KCNJ10: variants seen among roughly 807,000 people sequenced by gnomAD.
KCNJ10 encodes potassium inwardly rectifying channel subfamily J member 10.
Under a neutral mutation model 22.2 loss-of-function variants are expected in KCNJ10, and 9 were observed. The ratio of observed to expected loss-of-function variants is 0.40; its 90% confidence interval spans 0.24 to 0.71. The LOEUF is 0.71. KCNJ10 is among the 30% of genes least tolerant of loss of function. The pLI is 0.35. For synonymous variants in KCNJ10, 184 were observed against 187.3 expected, an observed-to-expected ratio of 0.98 and a Z score of 0.15; for missense variants, 337 against 482.7, an observed-to-expected ratio of 0.70 and a Z score of 2.83.
chr1:160,052,532 G>A (rs1455668768), intron 1 of KCNJ10, among the ~76,000 whole-genome samples: 2 of 152,208 alleles, frequency 1.3e-5, no homozygotes, highest in Admixed American at 6.5e-5. Flanking sequence ...CCTGAGATTA[G>A]GCTGGTCTCC....
chr1:160,039,629 A>T lies in KCNJ10; in HGVS notation c.*1764T>A, dbSNP rs2486253. The T allele has an allele frequency of 1.3e-5, 2 of 152,046 alleles. No individual in the cohort carries two copies. Among genetic ancestry groups the T allele is most frequent in the African/African-American group, 2.4e-5 (1 of 41,370 alleles). The allele number at this position is 152,046 out of a possible 1,614,324, so 9.4% of individuals were successfully genotyped here. ...CGAAGGGTCTTTGTTTTCAAGATATAGTTAGTTGAGTTCGAGGAGAGATCA... is the reference window on the plus strand; with the variant it reads ...CGAAGGGTCTTTGTTTTCAAGATATTGTTAGTTGAGTTCGAGGAGAGATCA... On this transcript the variant is annotated 3_prime_UTR_variant, in exon 2 of 2. Coordinates refer to ENST00000644903, the MANE Select transcript of KCNJ10 (RefSeq NM_002241.5).
intron 1 of KCNJ10, among the ~76,000 whole-genome samples, chr1:160,056,529 C>A (rs1021307184): frequency 6.6e-6 from 1 of 152,222 alleles, no homozygotes; most frequent in Non-Finnish European, 1.5e-5. Context: ...TTCAAATCCC[C>A]TTCCTCCTTC....
chr1:160,067,835 T>C (rs1649356006), intron 1 of KCNJ10: 1 of 152,294 alleles, frequency 6.6e-6, no homozygotes, highest in African/African-American at 2.4e-5. Context: ...TCTTTCTGCA[T>C]GACCCACCCC....
intron 1 of KCNJ10, chr1:160,062,692 G>A (rs1055034498): frequency 2.0e-5 from 3 of 152,244 alleles, no homozygotes; most frequent in Admixed American, 6.5e-5. Flanking sequence ...CTGGGCTCTA[G>A]AAAGAAGTGG....
intron 1 of KCNJ10, among the ~76,000 whole-genome samples, chr1:160,055,520 G>C (rs1249355126): frequency 2.0e-5 from 3 of 152,186 alleles, no homozygotes; most frequent in Non-Finnish European, 2.9e-5. Context: ...CCATTAAGTA[G>C]CTCTGCCATT....
rs1160156950 is a variant in KCNJ10 at position 160,041,423 on chromosome 1, A to T, written c.1110T>A (p.Ser370Arg). 1 of 1,613,634 alleles carries T rather than the reference A, an allele frequency of 6.2e-7. No individual in the cohort carries two copies. The highest frequency in any genetic ancestry group is 1.1e-5 in the South Asian group (1 of 91,020). Reference protein sequence around the residue: ...SLREQAEKEGSALSVRISNV With the variant: ...SLREQAEKEGRALSVRISNV ...CATTGCTGATGCGCACACTAAGGGCACTGCCCTCCTTCTCAGCTTGCTCCC... is the reference window on the plus strand; with the variant it reads ...CATTGCTGATGCGCACACTAAGGGCTCTGCCCTCCTTCTCAGCTTGCTCCC... Residue 370 changes from serine to arginine, a missense_variant, in exon 2 of 2, where the codon AGT (serine) becomes AGA (arginine). Physicochemically the swap from Ser to Arg is moderately radical, Grantham distance 110. Around this residue, in one of 3 missense-constraint regions of KCNJ10, gnomAD observed 65 missense variants for 66.0 expected, o/e 0.98. Transcript: ENST00000644903. The surrounding 1 kb of genome is among the most constrained non-coding windows in gnomAD (Gnocchi z 4.4).
In KCNJ10 at chr1:160,042,523, C is replaced by G. The variant is rs144428351; in HGVS notation, c.10G>C (p.Val4Leu). 6.2e-7 allele frequency: 1 copy of G among 1,613,922 alleles called. No individual in the cohort carries two copies. Among genetic ancestry groups the G allele is most frequent in the Admixed American group, 1.7e-5 (1 of 60,012 alleles). The stretch of plus-strand genomic sequence containing the variant: ...GTCTGACTGTAATACACCTTGGCAA[C>G]TGACGTCATCTGGAGGGAGCAAGAC... Reference protein sequence around the residue: MTSVAKVYYSQTTQ... With the variant: MTSLAKVYYSQTTQ... Residue 4 changes from valine (V) to leucine (L), a missense_variant, in exon 2 of 2, where the codon GTT (valine) becomes CTT (leucine). This residue lies in a region of KCNJ10 where 107 missense variants were observed against 135.2 expected (regional missense o/e 0.79). Coordinates refer to ENST00000644903, the MANE Select transcript of KCNJ10 (RefSeq NM_002241.5).
intron 1 of KCNJ10, among the ~76,000 whole-genome samples, chr1:160,068,652 C>T (rs1276673012): frequency 1.3e-5 from 2 of 152,232 alleles, no homozygotes; most frequent in African/African-American, 4.8e-5. Flanking sequence ...AGTCAGGATG[C>T]CTGGTTCCTT....
chr1:160,049,687 A>T lies in KCNJ10; in HGVS notation c.1-7155T>A, dbSNP rs577271652. On this transcript the variant is annotated intron_variant, in intron 1 of 1. Coordinates refer to ENST00000644903, the MANE Select transcript of KCNJ10 (RefSeq NM_002241.5). ...GCATTTTATTTATTTATATATATAT[A>T]TATATATATATATATATATATATAT... Among the ~76,000 whole-genome samples, 41 of 104,066 alleles carry T rather than the reference A, an allele frequency of 3.9e-4. 1 individual carries two copies. Among genetic ancestry groups the T allele is most frequent in the African/African-American group, 1.8e-3 (40 of 22,856 alleles). 68.3% of individuals were successfully genotyped at this position (104,066 alleles called of 152,430 possible). A position where few individuals can be genotyped will look rare whatever the true frequency, so the allele number is the denominator to read the frequency against.
chr1:160,062,773 A>C (rs950814901), intron 1 of KCNJ10: 3 of 152,194 alleles, frequency 2.0e-5, no homozygotes, highest in African/African-American at 7.2e-5. Context: ...TGTGGGCAGG[A>C]GAAGAAAAAC....
intron 1 of KCNJ10, among the ~76,000 whole-genome samples, chr1:160,048,964 T>A (rs956740698): frequency 6.6e-5 from 10 of 152,180 alleles, no homozygotes; most frequent in Admixed American, 1.3e-4. Context: ...CAAATACACC[T>A]CTGATCAGGA....
Position 160,039,305 on chromosome 1 carries a change from G to A in KCNJ10, c.*2088C>T, listed in dbSNP as rs1648548494. 6.6e-6 allele frequency: 1 copy of A among 152,188 alleles called. No homozygotes were observed. The highest frequency in any genetic ancestry group is 1.5e-5 in the Non-Finnish European group (1 of 68,126). 9.4% of individuals were successfully genotyped at this position (152,188 alleles called of 1,614,324 possible). A position where few individuals can be genotyped will look rare whatever the true frequency, so the allele number is the denominator to read the frequency against. On this transcript the variant is annotated 3_prime_UTR_variant, in exon 2 of 2. Transcript: ENST00000644903. Reference sequence around the variant, plus strand: ...GGCTTAGAATAGACAGCAGGGGAATGGGAAGAAAGCATAGCATGGCCAAAT... The same window carrying A: ...GGCTTAGAATAGACAGCAGGGGAATAGGAAGAAAGCATAGCATGGCCAAAT...
Position 160,056,163 on chromosome 1 carries a change from A to T in KCNJ10, c.1-13631T>A, listed in dbSNP as rs189352094. Among the ~76,000 whole-genome samples, 5 of 152,072 alleles carry T rather than the reference A, an allele frequency of 3.3e-5. No individual in the cohort carries two copies. The East Asian group carries it at 9.7e-4, about 29-fold the overall frequency. On this transcript the variant is annotated intron_variant, in intron 1 of 1. Coordinates refer to ENST00000644903, the MANE Select transcript of KCNJ10 (RefSeq NM_002241.5). ...GAGGCTGCCCTAGTTCATTCACTTG[A>T]AGTGTTGCAATGGTCTCCTGGTTCT... is the stretch of plus-strand genomic sequence containing the variant.
At chr1:160,068,798 G>A (rs865852072) in intron 1 of KCNJ10, among the ~76,000 whole-genome samples, 1 of 152,300 alleles carries the variant, frequency 6.6e-6, no homozygotes, top group Middle Eastern at 3.4e-3. Context: ...GTTTCAGGAT[G>A]AAACTAAATT....
chr1:160,061,861 TC>T (rs1649204060), intron 1 of KCNJ10, among the ~76,000 whole-genome samples: 2 of 151,898 alleles, frequency 1.3e-5, no homozygotes, highest in South Asian at 4.1e-4. Context: ...TCTGGGCACA[TC>T]CGTTTGGGTG....
At chr1:160,044,679 A>G (rs1338364776) in intron 1 of KCNJ10, 3 of 152,226 alleles carry the variant, frequency 2.0e-5, no homozygotes, top group Non-Finnish European at 4.4e-5. Context: ...GAAGTTATCA[A>G]TAGGACCCAG....
At chr1:160,067,167 C>T (rs1181620223) in intron 1 of KCNJ10, among the ~76,000 whole-genome samples, 1 of 152,174 alleles carries the variant, frequency 6.6e-6, no homozygotes, top group Non-Finnish European at 1.5e-5. Context: ...CCAGAGCCAG[C>T]CCCTCCCTTC....
At chr1:160,063,123 G>A (rs1037400216) in intron 1 of KCNJ10, among the ~76,000 whole-genome samples, 1 of 152,130 alleles carries the variant, frequency 6.6e-6, no homozygotes, top group African/African-American at 2.4e-5. Flanking sequence ...TCTGTGAGGA[G>A]AAGCTTCCCT....
At chr1:160,064,445 T>C (rs1181941463) in intron 1 of KCNJ10, among the ~76,000 whole-genome samples, 1 of 152,234 alleles carries the variant, frequency 6.6e-6, no homozygotes, top group Admixed American at 6.5e-5. Flanking sequence ...TAAGACAATG[T>C]CACTCTTCTT....
Sources: allele counts gnomAD v4.1 joint callset (sites outside exome capture counted in the v4.1 genomes callset), GRCh38; gene constraint gnomAD v4.1.1; regional missense constraint gnomAD v4.1.1; non-coding constraint Gnocchi (gnomAD v3.1); transcripts MANE v1.5; gene names NCBI Gene and HGNC (gene_info 2026-07-23, HGNC 2026-07-21).